Variants in ZDHHC14 observed in about 807,000 individuals in gnomAD.
ZDHHC14 encodes zDHHC palmitoyltransferase 14, also known as palmitoyltransferase ZDHHC14.
In ZDHHC14, 16 loss-of-function variants were observed where a neutral mutation model predicts 47.7. That is an observed-to-expected ratio of 0.34 (90% CI 0.23 to 0.51). The LOEUF (loss-of-function observed/expected upper bound fraction) is 0.51. Among genes scored for constraint, ZDHHC14 ranks in the 20% least tolerant of loss-of-function variants. The pLI is 0.97. For synonymous variants in ZDHHC14, 293 were observed against 278.9 expected (o/e 1.05, Z -0.50); for missense variants, 515 against 662.5 (o/e 0.78, Z 2.44).
intron 3 of ZDHHC14, among the ~76,000 whole-genome samples, chr6:157,615,946 C>T (rs978183425): frequency 2.6e-5 from 4 of 152,176 alleles, no homozygotes; most frequent in Non-Finnish European, 5.9e-5. Flanking sequence ...GGGCCAGAGG[C>T]CTGCCCAGCA....
intron 1 of ZDHHC14, among the ~76,000 whole-genome samples, chr6:157,535,156 G>C (rs144350885): frequency 6.6e-6 from 1 of 152,070 alleles, no homozygotes; most frequent in Non-Finnish European, 1.5e-5. Context: ...ACGGGCAGAA[G>C]AGAGCACTCT....
chr6:157,480,310 C>T (rs1399225836), intron 1 of ZDHHC14, among the ~76,000 whole-genome samples: 6 of 148,126 alleles, frequency 4.1e-5, no homozygotes, highest in Non-Finnish European at 7.5e-5. Context: ...CTCTGTCACC[C>T]AGGCTGGAGT....
At chr6:157,397,755 G>A (rs1183412893) in intron 1 of ZDHHC14, among the ~76,000 whole-genome samples, 1 of 152,192 alleles carries the variant, frequency 6.6e-6, no homozygotes, top group Non-Finnish European at 1.5e-5. Context: ...ATTGTTCCCT[G>A]TATGAAGCTG....
intron 3 of ZDHHC14, among the ~76,000 whole-genome samples, chr6:157,621,207 C>G (rs1424440974): frequency 6.6e-6 from 1 of 152,044 alleles, no homozygotes; most frequent in East Asian, 1.9e-4. Flanking sequence ...TTAAATGTTC[C>G]TATTGCATAA....
intron 1 of ZDHHC14, among the ~76,000 whole-genome samples, chr6:157,422,368 C>T (rs974685172): frequency 6.6e-6 from 1 of 151,942 alleles, no homozygotes; most frequent in African/African-American, 2.4e-5. Flanking sequence ...AATGAATGTT[C>T]CAGATTTTAA....
intron 1 of ZDHHC14, among the ~76,000 whole-genome samples, chr6:157,511,218 G>T (rs991315658): frequency 8.5e-5 from 13 of 152,230 alleles, no homozygotes; most frequent in African/African-American, 1.4e-4. Flanking sequence ...TATTGCGAAG[G>T]TGAGACAGAA....
At chr6:157,570,741 A>G (rs1234365390) in intron 2 of ZDHHC14, among the ~76,000 whole-genome samples, 2 of 149,990 alleles carry the variant, frequency 1.3e-5, no homozygotes. Flanking sequence ...AGTGATATAT[A>G]TATGTATATA....
At chr6:157,484,367 C>T (rs373793132) in intron 1 of ZDHHC14, among the ~76,000 whole-genome samples, 8 of 140,514 alleles carry the variant, frequency 5.7e-5, no homozygotes, top group East Asian at 4.1e-4. Context: ...CACATATATA[C>T]GTATATATAC....
chr6:157,491,897 T>C (rs1374210047), intron 1 of ZDHHC14, among the ~76,000 whole-genome samples: 1 of 152,232 alleles, frequency 6.6e-6, no homozygotes, highest in East Asian at 1.9e-4. Flanking sequence ...TTCTTTTGAT[T>C]GTCGAATTAC....
At chr6:157,528,125 C>T (rs1265560174) in intron 1 of ZDHHC14, among the ~76,000 whole-genome samples, 1 of 152,138 alleles carries the variant, frequency 6.6e-6, no homozygotes, top group Non-Finnish European at 1.5e-5. Context: ...GATGTTTCTC[C>T]ACCGTATTCT....
At position 157,676,972 on chromosome 6, in the gene ZDHHC14, T is replaced by C. The variant is rs1305203088; in HGVS notation, c.*3850T>C. ...CATCCACAAGAATACATTGAGTTCA[T>C]TTAGTTCTTGACCAGGTAAGAAAAG... On this transcript the variant is annotated 3_prime_UTR_variant, in exon 9 of 9. Coordinates refer to ENST00000359775, the MANE Select transcript of ZDHHC14 (RefSeq NM_024630.3). 1 of 152,242 alleles carries C rather than the reference T, an allele frequency of 6.6e-6. No individual in the cohort carries two copies. Among genetic ancestry groups the C allele is most frequent in the Non-Finnish European group, 1.5e-5 (1 of 68,046 alleles). 9.4% of individuals were successfully genotyped at this position (152,242 alleles called of 1,614,324 possible).
At chr6:157,652,100 C>T (rs1025578582) in intron 7 of ZDHHC14, among the ~76,000 whole-genome samples, 21 of 152,202 alleles carry the variant, frequency 1.4e-4, no homozygotes, top group Non-Finnish European at 1.6e-4. Flanking sequence ...GGAGGTCAGG[C>T]ACTTTTCTTT....
At chr6:157,467,707 G>A (rs769504941) in intron 1 of ZDHHC14, among the ~76,000 whole-genome samples, 5 of 151,954 alleles carry the variant, frequency 3.3e-5, no homozygotes, top group Non-Finnish European at 7.4e-5. Context: ...CTGCCAACAC[G>A]TCTGGCTAAT....
intron 1 of ZDHHC14, among the ~76,000 whole-genome samples, chr6:157,409,594 C>T (rs1321588444): frequency 1.3e-5 from 2 of 152,174 alleles, no homozygotes; most frequent in African/African-American, 2.4e-5. Context: ...AGGGAACATA[C>T]GCTATGCCAG....
chr6:157,458,069 G>T (rs931728012), intron 1 of ZDHHC14, among the ~76,000 whole-genome samples: 19 of 152,212 alleles, frequency 1.2e-4, no homozygotes, highest in African/African-American at 4.6e-4. Flanking sequence ...ACTCTCAGGC[G>T]GATATGCCTC....
intron 2 of ZDHHC14, among the ~76,000 whole-genome samples, chr6:157,570,192 C>A (rs945279599): frequency 6.6e-6 from 1 of 152,152 alleles, no homozygotes; most frequent in Admixed American, 6.5e-5. Flanking sequence ...CTAATGCTCT[C>A]AATATTAATG....
intron 3 of ZDHHC14, among the ~76,000 whole-genome samples, chr6:157,615,920 G>C (rs1358086464): frequency 6.6e-6 from 1 of 152,248 alleles, no homozygotes; most frequent in Admixed American, 6.5e-5. Context: ...GGGGAAGGAA[G>C]AAGAGGTGAG....
At chr6:157,395,305 C>T (rs1777499152) in intron 1 of ZDHHC14, among the ~76,000 whole-genome samples, 1 of 151,250 alleles carries the variant, frequency 6.6e-6, no homozygotes, top group African/African-American at 2.4e-5. Context: ...GAACTGCAGG[C>T]ACACACCACC....
chr6:157,484,968 C>T (rs979284491), intron 1 of ZDHHC14, among the ~76,000 whole-genome samples: 3 of 152,058 alleles, frequency 2.0e-5, no homozygotes, highest in African/African-American at 7.2e-5. Context: ...TGTGATGGCA[C>T]GTGCCTATAG....
Sources: allele counts gnomAD v4.1 joint callset (sites outside exome capture counted in the v4.1 genomes callset), GRCh38; gene constraint gnomAD v4.1.1; transcripts MANE v1.5; gene names NCBI Gene and HGNC (gene_info 2026-07-23, HGNC 2026-07-21).